The following PDE1A variants were observed in gnomAD, a reference collection of about 807,000 sequenced individuals.
The protein encoded by PDE1A is phosphodiesterase 1A.
PDE1A carries 35 observed loss-of-function variants against 61.7 expected under a neutral mutation model. That is an observed-to-expected ratio of 0.57 (90% CI 0.43 to 0.75). The LOEUF is 0.75. Among genes scored for constraint, PDE1A ranks in the 30% least tolerant of loss-of-function variants. The pLI is 0.00. For missense variants in PDE1A, 597 were observed against 630.6 expected, an observed-to-expected ratio of 0.95 and a Z score of 0.57; for synonymous variants, 232 against 213.2, an observed-to-expected ratio of 1.09 and a Z score of -0.77.
At chr2:182,575,724 G>T in the PDE1A span, among the ~76,000 whole-genome samples, 9 of 138,992 alleles carry the variant, frequency 6.5e-5, no homozygotes, top group African/African-American at 2.3e-4. Context: ...TATATATATA[G>T]ATATATATAA....
At chr2:182,416,737 G>A (rs192886845) in intron 1 of PDE1A, among the ~76,000 whole-genome samples, 1 of 152,234 alleles carries the variant, frequency 6.6e-6, no homozygotes, top group Admixed American at 6.5e-5. Context: ...ACTAAAATAT[G>A]TTTCTTTGGA....
intron 2 of PDE1A, among the ~76,000 whole-genome samples, chr2:182,495,185 A>G: frequency 6.6e-6 from 1 of 152,182 alleles, no homozygotes; most frequent in East Asian, 1.9e-4. Context: ...CTCCTTGCTG[A>G]CAAAGGCAGC....
chr2:182,453,711 T>C (rs1407779286), intron 2 of PDE1A, among the ~76,000 whole-genome samples: 1 of 152,088 alleles, frequency 6.6e-6, no homozygotes, highest in African/African-American at 2.4e-5. Context: ...TTGACAAAAT[T>C]CAACAACCCT....
At chr2:182,528,585 G>A in the PDE1A span, among the ~76,000 whole-genome samples, 6 of 152,192 alleles carry the variant, frequency 3.9e-5, no homozygotes, top group Non-Finnish European at 8.8e-5. Flanking sequence ...AAGTAATGAG[G>A]AGCCAAATGA....
intron 10 of PDE1A, among the ~76,000 whole-genome samples, chr2:182,195,654 AT>A (rs1411552702): frequency 9.2e-5 from 14 of 152,132 alleles, no homozygotes; most frequent in Non-Finnish European, 2.1e-4. Flanking sequence ...AAGACACAGT[AT>A]TTAGCTTCTT....
chr2:182,355,596 A>T (rs945387486), intron 1 of PDE1A, among the ~76,000 whole-genome samples: 10 of 151,988 alleles, frequency 6.6e-5, no homozygotes, highest in African/African-American at 2.2e-4. Context: ...GCCATATCTC[A>T]TCATACATCT....
chr2:182,470,230 T>C (rs949529128), intron 2 of PDE1A, among the ~76,000 whole-genome samples: 1 of 151,796 alleles, frequency 6.6e-6, no homozygotes, highest in Non-Finnish European at 1.5e-5. Context: ...TTTCAGTAAA[T>C]TTAGTGAAAG....
the PDE1A span, among the ~76,000 whole-genome samples, chr2:182,545,982 A>C: frequency 6.6e-6 from 1 of 152,230 alleles, no homozygotes; most frequent in African/African-American, 2.4e-5. Flanking sequence ...GCAAGACGAA[A>C]GTGACCTTTT....
chr2:182,658,072 AC>A, the PDE1A span, among the ~76,000 whole-genome samples: 62 of 68,192 alleles, frequency 9.1e-4, 1 homozygote, highest in African/African-American at 2.2e-3. Flanking sequence ...AAAAAAAAAA[AC>A]AAAAAAACTT....
chr2:182,220,352 T>C (rs1356499161), intron 7 of PDE1A, among the ~76,000 whole-genome samples: 1 of 152,062 alleles, frequency 6.6e-6, no homozygotes, highest in Non-Finnish European at 1.5e-5. Flanking sequence ...ATTTGCACTA[T>C]ATGGCACCAA....
the PDE1A span, among the ~76,000 whole-genome samples, chr2:182,653,311 T>C: frequency 2.0e-5 from 3 of 152,210 alleles, no homozygotes; most frequent in African/African-American, 7.2e-5. Flanking sequence ...ATCTGCATAT[T>C]TTAGCCATGA....
At position 182,167,950 on chromosome 2, in the gene PDE1A, A is replaced by G. The variant is rs1277136192; in HGVS notation, c.*297T>C. On this transcript the variant is annotated 3_prime_UTR_variant, in exon 14 of 14. Coordinates refer to ENST00000351439, the Ensembl canonical transcript of PDE1A. ...AATTAGCAATTAGCTGCTCAAAGAAAATTTATTGGCACTCGGTAAAGACAA... is the reference window on the plus strand; with the variant it reads ...AATTAGCAATTAGCTGCTCAAAGAAGATTTATTGGCACTCGGTAAAGACAA... 5 of 1,163,286 alleles carry G rather than the reference A, an allele frequency of 4.3e-6. No individual in the cohort carries two copies. The Admixed American group carries it at 1.8e-4, about 42-fold the overall frequency. The allele number at this position is 1,163,286 out of a possible 1,614,324, so 72.1% of individuals were successfully genotyped here. A position where few individuals can be genotyped will look rare whatever the true frequency, so the allele number is the denominator to read the frequency against.
chr2:182,701,849 A>C, the PDE1A span, among the ~76,000 whole-genome samples: 1 of 152,186 alleles, frequency 6.6e-6, no homozygotes, highest in Non-Finnish European at 1.5e-5. Flanking sequence ...AGCAAAACTA[A>C]CTGACTGAGA....
chr2:182,364,759 T>C (rs1158505819), intron 1 of PDE1A, among the ~76,000 whole-genome samples: 2 of 151,932 alleles, frequency 1.3e-5, no homozygotes, highest in Non-Finnish European at 1.5e-5. Context: ...ATGGAACGTG[T>C]TTTTACAACA....
At chr2:182,679,031 G>T in the PDE1A span, among the ~76,000 whole-genome samples, 1 of 133,266 alleles carries the variant, frequency 7.5e-6, no homozygotes. Context: ...TTGAGTCAGA[G>T]TCTCACTCTG....
chr2:182,205,520 G>A (rs1283233944), intron 8 of PDE1A, among the ~76,000 whole-genome samples: 1 of 151,134 alleles, frequency 6.6e-6, no homozygotes, highest in Non-Finnish European at 1.5e-5. Flanking sequence ...TTTTTCCCAC[G>A]TTTAACTTTT....
chr2:182,386,178 G>A (rs1001073316), intron 1 of PDE1A, among the ~76,000 whole-genome samples: 3 of 152,256 alleles, frequency 2.0e-5, no homozygotes, highest in East Asian at 1.9e-4. Flanking sequence ...GTGCAGTGGC[G>A]TGATCTTGGC....
intron 1 of PDE1A, among the ~76,000 whole-genome samples, chr2:182,269,267 TCA>T (rs1692845546): frequency 6.6e-6 from 1 of 152,044 alleles, no homozygotes. Flanking sequence ...AGCGGGTGGA[TCA>T]CCTGAGGTTG....
chr2:182,450,394 A>G (rs1461787098), intron 2 of PDE1A, among the ~76,000 whole-genome samples: 1 of 152,142 alleles, frequency 6.6e-6, no homozygotes, highest in African/African-American at 2.4e-5. Context: ...TCTTCCATGA[A>G]TAGAATTCAG....
Sources: allele counts gnomAD v4.1 joint callset (sites outside exome capture counted in the v4.1 genomes callset), GRCh38; gene constraint gnomAD v4.1.1; transcripts MANE v1.5; gene names NCBI Gene and HGNC (gene_info 2026-07-23, HGNC 2026-07-21).